The following SOX6 variants were observed in gnomAD, a reference collection of about 807,000 sequenced individuals.
SOX6 encodes SRY-box transcription factor 6.
A neutral mutation model predicts 97.8 loss-of-function variants in SOX6; 11 were observed. That is an observed-to-expected ratio of 0.11 (90% CI 0.07 to 0.19). SOX6 has a LOEUF of 0.19. SOX6 is among the 10% of genes least tolerant of loss of function. SOX6 has a pLI of 1.00. For missense variants in SOX6, 810 were observed against 1,039.5 expected, an observed-to-expected ratio of 0.78 and a Z score of 3.04; for synonymous variants, 360 against 371.4, an observed-to-expected ratio of 0.97 and a Z score of 0.35.
chr11:16,430,676 C>T (rs1184268971), intron 1 of SOX6, among the ~76,000 whole-genome samples: 1 of 152,158 alleles, frequency 6.6e-6, no homozygotes, highest in Non-Finnish European at 1.5e-5. Flanking sequence ...TTGAACTTCC[C>T]AGCCTCCAGA....
At position 16,377,568 on chromosome 11, in the gene SOX6, T is replaced by A. The variant is rs933472358; in HGVS notation, c.-4-36316A>T. Among the ~76,000 whole-genome samples, 35 of 152,134 alleles carry A rather than the reference T, an allele frequency of 2.3e-4. 1 individual carries two copies. Among genetic ancestry groups the A allele is most frequent in the Non-Finnish European group, 4.4e-5 (3 of 67,988 alleles). On this transcript the variant is annotated intron_variant, in intron 1 of 15. Transcript: ENST00000396356. ...CACTGTACAAAAAAAGAAAAACAATTTAAGATGGAAAAAAACATCCACTTG... is the reference window on the plus strand; with the variant it reads ...CACTGTACAAAAAAAGAAAAACAATATAAGATGGAAAAAAACATCCACTTG...
At chr11:16,075,858 T>C (rs888870220) in intron 9 of SOX6, among the ~76,000 whole-genome samples, 6 of 151,884 alleles carry the variant, frequency 4.0e-5, no homozygotes, top group Non-Finnish European at 8.8e-5. Flanking sequence ...CAAAAGTGTG[T>C]GTGGAGGGGA....
chr11:16,289,993 T>C (rs1854863878), intron 3 of SOX6, among the ~76,000 whole-genome samples: 1 of 152,048 alleles, frequency 6.6e-6, no homozygotes, highest in Non-Finnish European at 1.5e-5. Flanking sequence ...ACAAGCATAA[T>C]ATTAATAAAG....
At chr11:16,077,617 T>C (rs113069671) in intron 9 of SOX6, among the ~76,000 whole-genome samples, 1,606 of 152,222 alleles carry the variant, frequency 0.011, 26 homozygotes, top group African/African-American at 0.037. Flanking sequence ...CATGAAACAC[T>C]ATGCAGCCAT....
intron 4 of SOX6, among the ~76,000 whole-genome samples, chr11:16,218,604 C>T (rs1277405120): frequency 6.6e-6 from 1 of 152,016 alleles, no homozygotes; most frequent in African/African-American, 2.4e-5. Context: ...GAATGTAACT[C>T]TTTGCTTTAA....
intron 2 of SOX6, among the ~76,000 whole-genome samples, chr11:16,326,287 CTT>C (rs1352401981): frequency 1.3e-5 from 2 of 152,048 alleles, no homozygotes; most frequent in Non-Finnish European, 2.9e-5. Flanking sequence ...TTTCCAGACC[CTT>C]CATCATCCTC....
chr11:16,277,148 C>A (rs573345003), intron 3 of SOX6, among the ~76,000 whole-genome samples: 132 of 152,166 alleles, frequency 8.7e-4, no homozygotes, highest in African/African-American at 3.1e-3. Context: ...CTATGTTCCC[C>A]CAGAATTCAT....
chr11:16,072,023 C>G (rs1249522746), intron 9 of SOX6, among the ~76,000 whole-genome samples: 2 of 152,050 alleles, frequency 1.3e-5, no homozygotes, highest in African/African-American at 4.8e-5. Flanking sequence ...CTCAAAAAGC[C>G]AGAGTGCATT....
chr11:15,979,492 A>G (rs986053164), intron 15 of SOX6, among the ~76,000 whole-genome samples: 1 of 152,088 alleles, frequency 6.6e-6, no homozygotes, highest in Non-Finnish European at 1.5e-5. Flanking sequence ...CTTAAAACTC[A>G]TCAATGCCTT....
chr11:16,215,729 G>C (rs540359333), intron 4 of SOX6, among the ~76,000 whole-genome samples: 2 of 152,074 alleles, frequency 1.3e-5, no homozygotes, highest in Non-Finnish European at 2.9e-5. Context: ...ATTTACAGGG[G>C]AAATTTGAAA....
At chr11:15,981,543 C>T (rs1453404072) in intron 15 of SOX6, among the ~76,000 whole-genome samples, 1 of 152,060 alleles carries the variant, frequency 6.6e-6, no homozygotes, top group Non-Finnish European at 1.5e-5. Context: ...CTATACGTCA[C>T]ATATCTCTGT....
At chr11:16,175,165 C>G (rs1851150012) in intron 6 of SOX6, among the ~76,000 whole-genome samples, 1 of 151,836 alleles carries the variant, frequency 6.6e-6, no homozygotes, top group Admixed American at 6.6e-5. Flanking sequence ...TCTAAATATG[C>G]ATGTGTGTAT....
chr11:16,669,237 G>A lies in SOX6; in HGVS notation n.429+45593C>T, dbSNP rs550258309. 3.3e-5 allele frequency among the ~76,000 whole-genome samples: 5 copies of A among 152,290 alleles called. No individual in the cohort carries two copies. In the South Asian group the frequency reaches 1.0e-3, roughly 32 times the overall value. Reference sequence around the variant, plus strand: ...AATAAAAGGAAATCAATAACAAGAGGAATCTTGGAAACAATAAAAATACAT... The same window carrying A: ...AATAAAAGGAAATCAATAACAAGAGAAATCTTGGAAACAATAAAAATACAT... On this transcript the variant is annotated intron_variant and non_coding_transcript_variant, in intron 3 of 5. Coordinates refer to the SOX6 transcript ENST00000524520.
chr11:16,550,409 A>G (rs957032156), intron 4 of SOX6, among the ~76,000 whole-genome samples: 3 of 152,164 alleles, frequency 2.0e-5, no homozygotes, highest in Non-Finnish European at 2.9e-5. Flanking sequence ...GCATATGTAT[A>G]CATATGTAAC....
chr11:16,522,152 A>T (rs1401775133), intron 4 of SOX6, among the ~76,000 whole-genome samples: 1 of 152,166 alleles, frequency 6.6e-6, no homozygotes, highest in Non-Finnish European at 1.5e-5. Flanking sequence ...ACTCCTCAAG[A>T]AGAGCAACTC....
intron 9 of SOX6, among the ~76,000 whole-genome samples, chr11:16,057,152 A>G (rs1847835471): frequency 6.6e-6 from 1 of 152,058 alleles, no homozygotes; most frequent in African/African-American, 2.4e-5. Flanking sequence ...ATCATTCTAA[A>G]TGTTATATCA....
chr11:16,565,489 AC>A (rs1373939616), intron 4 of SOX6, among the ~76,000 whole-genome samples: 1 of 152,018 alleles, frequency 6.6e-6, no homozygotes, highest in Admixed American at 6.5e-5. Context: ...CAAATATGAT[AC>A]AAAAAAAAAA....
At chr11:15,975,929 A>G (rs111915397) in intron 15 of SOX6, among the ~76,000 whole-genome samples, 88 of 152,350 alleles carry the variant, frequency 5.8e-4, no homozygotes, top group African/African-American at 1.9e-3. Context: ...GAATGCTAAA[A>G]ATAAATAAAC....
At chr11:16,525,592 A>T (rs1244795834) in intron 4 of SOX6, among the ~76,000 whole-genome samples, 1 of 151,542 alleles carries the variant, frequency 6.6e-6, no homozygotes, top group Non-Finnish European at 1.5e-5. Flanking sequence ...CATGTCTAAA[A>T]CACCAAAAGC....
Sources: gnomAD v4.1 joint callset for allele counts (sites outside exome capture counted in the v4.1 genomes callset) on GRCh38, gnomAD v4.1.1 for gene constraint, MANE v1.5 for transcripts, NCBI Gene and HGNC (gene_info 2026-07-23, HGNC 2026-07-21) for gene names.